TMEM132B: variants seen among roughly 807,000 people sequenced by gnomAD.
The protein encoded by TMEM132B is transmembrane protein 132B.
TMEM132B carries 18 observed loss-of-function variants against 90.8 expected under a neutral mutation model. The observed-to-expected ratio is 0.20, with a 90% confidence interval of 0.14 to 0.29. The LOEUF (loss-of-function observed/expected upper bound fraction) is 0.29, where lower values mean the gene tolerates loss of function less well. TMEM132B is among the 10% of genes least tolerant of loss of function. The pLI, the probability that TMEM132B is intolerant of heterozygous loss-of-function variation, is 1.00. For synonymous variants in TMEM132B, 504 were observed against 523.3 expected (o/e 0.96, Z 0.50); for missense variants, 1,096 against 1,326.8 (o/e 0.83, Z 2.70).
At chr12:125,276,165 A>G (rs1464614576) in intron 1 of TMEM132B, among the ~76,000 whole-genome samples, 2 of 152,228 alleles carry the variant, frequency 1.3e-5, no homozygotes, top group Admixed American at 6.5e-5. Flanking sequence ...TTATTTAAAT[A>G]TATAGTTTAC....
rs552970324 is a variant in TMEM132B at position 125,436,296 on chromosome 12, C to G, written c.1106+20619C>G. Among the ~76,000 whole-genome samples, 8 of 152,288 alleles carry G rather than the reference C, an allele frequency of 5.3e-5. No homozygotes were observed. The East Asian group carries it at 1.2e-3, about 22-fold the overall frequency. ...GGAGTGAGTGTGGAAGCTACAAGCCCAGCACACCAGGTGCTCAGTCCATCT... is the reference window on the plus strand; with the variant it reads ...GGAGTGAGTGTGGAAGCTACAAGCCGAGCACACCAGGTGCTCAGTCCATCT... On this transcript the variant is annotated intron_variant, in intron 3 of 8. Transcript: ENST00000682704.
chr12:125,321,799 G>A (rs1285526958), intron 1 of TMEM132B, among the ~76,000 whole-genome samples: 2 of 151,688 alleles, frequency 1.3e-5, no homozygotes, highest in African/African-American at 4.8e-5. Context: ...TTGCTTAAAA[G>A]TTAAGATACA....
rs183074952 is a variant in TMEM132B, at chr12:125,276,728, T to C, written c.68-72724T>C. 2.6e-5 allele frequency among the ~76,000 whole-genome samples: 4 copies of C among 152,312 alleles called. No individual in the cohort carries two copies. In the East Asian group the frequency reaches 7.7e-4, roughly 29 times the overall value. ...TGACCCTTGTTGGTGTGGCTGTCAG[T>C]CAAATGGCGGAAGCGCTGGCGTCTC... is the stretch of plus-strand genomic sequence containing the variant. On this transcript the variant is annotated intron_variant, in intron 1 of 8. Coordinates refer to ENST00000682704, the MANE Select transcript of TMEM132B (RefSeq NM_001366854.1).
At chr12:125,305,639 T>C (rs73233352) in intron 1 of TMEM132B, among the ~76,000 whole-genome samples, 12,948 of 152,262 alleles carry the variant, frequency 0.085, 615 homozygotes, top group Non-Finnish European at 0.11. Context: ...TGGTCTTCGT[T>C]TGGCCAATCT....
At chr12:125,646,266 A>C (rs947290629) in intron 6 of TMEM132B, among the ~76,000 whole-genome samples, 16 of 152,242 alleles carry the variant, frequency 1.1e-4, no homozygotes, top group African/African-American at 3.6e-4. Context: ...ACTTGGATTC[A>C]TCTTGCTGCT....
intron 1 of TMEM132B, among the ~76,000 whole-genome samples, chr12:125,203,744 A>T (rs1187541451): frequency 6.6e-6 from 1 of 152,214 alleles, no homozygotes; most frequent in African/African-American, 2.4e-5. Flanking sequence ...TAAAATTGGG[A>T]TGTATCATAT....
At chr12:125,435,483 T>C (rs1159420555) in intron 3 of TMEM132B, among the ~76,000 whole-genome samples, 1 of 152,112 alleles carries the variant, frequency 6.6e-6, no homozygotes, top group East Asian at 1.9e-4. Context: ...AGCAAGGACA[T>C]ACCAGCCCCA....
chr12:125,334,934 G>A (rs1377431053), intron 1 of TMEM132B, among the ~76,000 whole-genome samples: 2 of 152,220 alleles, frequency 1.3e-5, no homozygotes, highest in African/African-American at 4.8e-5. Flanking sequence ...GTGCGGCCCT[G>A]GAATGCACAG....
chr12:125,284,653 T>C (rs1875298735), intron 1 of TMEM132B, among the ~76,000 whole-genome samples: 1 of 152,258 alleles, frequency 6.6e-6, no homozygotes, highest in Non-Finnish European at 1.5e-5. Flanking sequence ...ATCTGGTGGA[T>C]AGACATTCAA....
At chr12:125,278,922 G>A (rs1875080576) in intron 1 of TMEM132B, among the ~76,000 whole-genome samples, 1 of 152,150 alleles carries the variant, frequency 6.6e-6, no homozygotes, top group African/African-American at 2.4e-5. Context: ...CTCTGCCCAG[G>A]TTGGATGTAA....
intron 6 of TMEM132B, among the ~76,000 whole-genome samples, chr12:125,644,510 A>G (rs369110148): frequency 4.6e-5 from 7 of 152,238 alleles, no homozygotes; most frequent in Non-Finnish European, 1.0e-4. Flanking sequence ...ACCTCATAGA[A>G]TAGTTGCTAG....
intron 5 of TMEM132B, 105 bp downstream of exon 5, chr12:125,584,099 G>T: frequency 6.5e-7 from 1 of 1,540,434 alleles, no homozygotes; most frequent in Non-Finnish European, 8.9e-7. Context: ...ATGCTCTAAA[G>T]GGCTGGAGGC....
At chr12:125,240,998 G>A (rs1263897159) in intron 1 of TMEM132B, among the ~76,000 whole-genome samples, 1 of 152,160 alleles carries the variant, frequency 6.6e-6, no homozygotes, top group Non-Finnish European at 1.5e-5. Flanking sequence ...GTGGTGGGCG[G>A]GGGTAGGGCG....
chr12:125,579,403 C>T (rs1240603052), intron 4 of TMEM132B, among the ~76,000 whole-genome samples: 3 of 151,658 alleles, frequency 2.0e-5, no homozygotes, highest in Non-Finnish European at 2.9e-5. Flanking sequence ...GCTCTGTGGC[C>T]CAGGCTGGAG....
chr12:125,234,295 G>C (rs1873884309), intron 1 of TMEM132B, among the ~76,000 whole-genome samples: 2 of 152,152 alleles, frequency 1.3e-5, no homozygotes, highest in Non-Finnish European at 2.9e-5. Flanking sequence ...AGTTGAAAAT[G>C]TCCCATCCTG....
chr12:125,601,184 G>A (rs1253124651), intron 5 of TMEM132B, among the ~76,000 whole-genome samples: 2 of 152,100 alleles, frequency 1.3e-5, no homozygotes, highest in Non-Finnish European at 2.9e-5. Context: ...GTGCCACATA[G>A]CACTTATTAT....
chr12:125,639,981 G>A (rs545544933), intron 5 of TMEM132B, among the ~76,000 whole-genome samples: 5 of 152,282 alleles, frequency 3.3e-5, no homozygotes, highest in East Asian at 3.9e-4. Flanking sequence ...GCTCCTCTAG[G>A]CCATCGAGGG....
chr12:125,240,099 C>T (rs546656134), intron 1 of TMEM132B, among the ~76,000 whole-genome samples: 1 of 152,336 alleles, frequency 6.6e-6, no homozygotes, highest in African/African-American at 2.4e-5. Context: ...GAACGTTGAC[C>T]TGTAGAGCTC....
At chr12:125,478,805 A>C (rs1190767418) in intron 3 of TMEM132B, among the ~76,000 whole-genome samples, 3 of 152,190 alleles carry the variant, frequency 2.0e-5, no homozygotes, top group Admixed American at 1.3e-4. Context: ...AAGACACATA[A>C]TTGTCAGATT....
Sources: allele counts gnomAD v4.1 joint callset (sites outside exome capture counted in the v4.1 genomes callset), GRCh38; gene constraint gnomAD v4.1.1; transcripts MANE v1.5; gene names NCBI Gene and HGNC (gene_info 2026-07-23, HGNC 2026-07-21).